NCK2: variants seen among roughly 807,000 people sequenced by gnomAD.
The protein encoded by NCK2 is NCK adaptor protein 2, also known as cytoplasmic protein NCK2.
Under a neutral mutation model 33.9 loss-of-function variants are expected in NCK2, and 16 were observed. The ratio of observed to expected loss-of-function variants is 0.47; its 90% confidence interval spans 0.32 to 0.72. NCK2 has a LOEUF of 0.72. Among genes scored for constraint, NCK2 ranks in the 30% least tolerant of loss-of-function variants. The probability of loss-of-function intolerance (pLI) is 0.03; values close to 1 mark genes in which losing one functional copy is unlikely to be tolerated. For missense variants in NCK2, 418 were observed against 537.3 expected, an observed-to-expected ratio of 0.78 and a Z score of 2.19; for synonymous variants, 273 against 239.9, an observed-to-expected ratio of 1.14 and a Z score of -1.27.
intron 1 of NCK2, among the ~76,000 whole-genome samples, chr2:105,781,393 C>A (rs1690492637): frequency 1.3e-5 from 2 of 152,224 alleles, no homozygotes; most frequent in Non-Finnish European, 2.9e-5. Context: ...CACTGCAAGA[C>A]TTGACTAAAT....
chr2:105,753,145 A>G (rs905900118), intron 1 of NCK2, among the ~76,000 whole-genome samples: 5 of 152,246 alleles, frequency 3.3e-5, no homozygotes, highest in African/African-American at 9.6e-5. Flanking sequence ...AACTTTTATT[A>G]TGGTGTAAGA....
At chr2:105,841,764 G>T (rs541219986) in intron 2 of NCK2, among the ~76,000 whole-genome samples, 1 of 152,322 alleles carries the variant, frequency 6.6e-6, no homozygotes, top group South Asian at 2.1e-4. Flanking sequence ...TACATTTGAG[G>T]CTAAGCCAGG....
At chr2:105,818,599 A>T (rs1675601161) in intron 2 of NCK2, among the ~76,000 whole-genome samples, 1 of 152,184 alleles carries the variant, frequency 6.6e-6, no homozygotes, top group South Asian at 2.1e-4. Flanking sequence ...TAATCAAAGC[A>T]TAACCTAAAT....
At chr2:105,806,366 T>C (rs1286868250) in intron 1 of NCK2, among the ~76,000 whole-genome samples, 1 of 151,602 alleles carries the variant, frequency 6.6e-6, no homozygotes, top group East Asian at 1.9e-4. Flanking sequence ...GCCTCCCGAG[T>C]AGCTGGGACT....
intron 2 of NCK2, among the ~76,000 whole-genome samples, chr2:105,838,310 GTT>G (rs72497538): frequency 9.9e-5 from 14 of 140,946 alleles, no homozygotes; most frequent in East Asian, 2.1e-4. Context: ...TTATTAAAAT[GTT>G]TTTTTTTTTT....
intron 1 of NCK2, among the ~76,000 whole-genome samples, chr2:105,764,884 T>G (rs1252227919): frequency 6.6e-6 from 1 of 152,200 alleles, no homozygotes; most frequent in Non-Finnish European, 1.5e-5. Context: ...TTTTTTTCCA[T>G]GTTGTGTGAT....
At chr2:105,815,168 A>T (rs1019272409) in intron 1 of NCK2, among the ~76,000 whole-genome samples, 8 of 152,220 alleles carry the variant, frequency 5.3e-5, no homozygotes, top group African/African-American at 1.9e-4. Flanking sequence ...TTGCCCAAAG[A>T]TGTATTCCCA....
intron 1 of NCK2, among the ~76,000 whole-genome samples, chr2:105,756,319 G>C (rs1243580365): frequency 7.1e-6 from 1 of 140,444 alleles, no homozygotes; most frequent in East Asian, 2.2e-4. Context: ...CCTTGGTGGA[G>C]ATAGTTAAAA....
intron 2 of NCK2, chr2:105,848,381 T>G (rs1296517457): frequency 6.6e-6 from 1 of 152,196 alleles, no homozygotes; most frequent in African/African-American, 2.4e-5. Flanking sequence ...ACCTCTGTAA[T>G]TTCAACGGTC....
At chr2:105,789,189 T>A (rs1409303885) in intron 1 of NCK2, among the ~76,000 whole-genome samples, 1 of 152,118 alleles carries the variant, frequency 6.6e-6, no homozygotes, top group South Asian at 2.1e-4. Flanking sequence ...CACCATTTTT[T>A]TCTTTTTCTT....
At chr2:105,836,161 A>C (rs1285155365) in intron 2 of NCK2, among the ~76,000 whole-genome samples, 2 of 144,856 alleles carry the variant, frequency 1.4e-5, no homozygotes, top group Non-Finnish European at 3.0e-5. Flanking sequence ...GTTTCTTTGG[A>C]GGTTTTATTG....
intron 4 of NCK2, among the ~76,000 whole-genome samples, chr2:105,890,631 G>A (rs889950656): frequency 6.6e-6 from 1 of 152,210 alleles, no homozygotes; most frequent in African/African-American, 2.4e-5. Flanking sequence ...GTCTATTTGA[G>A]ACAGAGGCAT....
intron 1 of NCK2, among the ~76,000 whole-genome samples, chr2:105,806,362 C>G (rs1164096084): frequency 6.6e-6 from 1 of 151,928 alleles, no homozygotes; most frequent in Admixed American, 6.5e-5. Flanking sequence ...CTCAGCCTCC[C>G]GAGTAGCTGG....
intron 3 of NCK2, among the ~76,000 whole-genome samples, chr2:105,866,133 C>T (rs1322290364): frequency 6.6e-6 from 1 of 152,124 alleles, no homozygotes; most frequent in African/African-American, 2.4e-5. Flanking sequence ...AGGCTGGTCT[C>T]GAACTCCTGA....
intron 1 of NCK2, among the ~76,000 whole-genome samples, chr2:105,772,038 C>T (rs529499913): frequency 5.0e-4 from 76 of 152,296 alleles, no homozygotes; most frequent in African/African-American, 1.7e-3. Flanking sequence ...GAGAACTCAG[C>T]TTGTAAGCTG....
intron 2 of NCK2, among the ~76,000 whole-genome samples, chr2:105,834,941 G>A (rs1291046745): frequency 1.3e-5 from 2 of 152,134 alleles, no homozygotes; most frequent in Non-Finnish European, 2.9e-5. Flanking sequence ...GCCTCCAAAA[G>A]TACTGGGATT....
At chr2:105,853,453 A>C (rs1677141591) in intron 2 of NCK2, among the ~76,000 whole-genome samples, 1 of 152,194 alleles carries the variant, frequency 6.6e-6, no homozygotes, top group Non-Finnish European at 1.5e-5. Context: ...GATTTTAACA[A>C]ATGTATAATG....
chr2:105,823,132 CTGTGTGTGTGTGTG>C lies in NCK2; in HGVS notation c.-17+6547_-17+6560del, dbSNP rs10610689. 4.3e-3 allele frequency among the ~76,000 whole-genome samples: 643 copies of C among 148,620 alleles called. 9 individuals carry two copies. The highest frequency in any genetic ancestry group is 8.5e-3 in the African/African-American group (340 of 39,916). ...CAGAAAAACAAAAAGTCCTCTCATG[CTGTGTGTGTGTGTG>C]TGTGTGTGTGTGTGTGTGTGTGTGT... On this transcript the variant is annotated intron_variant, in intron 2 of 4. Transcript: ENST00000233154.
At chr2:105,872,929 G>C (rs916023686) in intron 3 of NCK2, among the ~76,000 whole-genome samples, 1 of 152,186 alleles carries the variant, frequency 6.6e-6, no homozygotes, top group African/African-American at 2.4e-5. Context: ...TGCCCTTCCC[G>C]GAAGTGGACA....
Sources: allele counts gnomAD v4.1 joint callset (sites outside exome capture counted in the v4.1 genomes callset), GRCh38; gene constraint gnomAD v4.1.1; transcripts MANE v1.5; gene names NCBI Gene and HGNC (gene_info 2026-07-23, HGNC 2026-07-21).